BBS9: variants seen among roughly 807,000 people sequenced by gnomAD.
BBS9 encodes the protein Bardet-Biedl syndrome 9.
Under a neutral mutation model 117.7 loss-of-function variants are expected in BBS9, and 89 were observed. The ratio of observed to expected loss-of-function variants is 0.76; its 90% CI spans 0.64 to 0.90. The LOEUF (loss-of-function observed/expected upper bound fraction) is 0.90. Ranked by LOEUF, BBS9 falls within the 40% of genes least tolerant of loss-of-function variation. The probability of loss-of-function intolerance (pLI) is 0.00; values close to 1 mark genes in which losing one functional copy is unlikely to be tolerated. For missense variants in BBS9, 982 were observed against 1,042.2 expected, an observed-to-expected ratio of 0.94 and a Z score of 0.80; for synonymous variants, 379 against 370.9, an observed-to-expected ratio of 1.02 and a Z score of -0.25.
chr7:33,229,369 TG>T (rs1362392729), intron 5 of BBS9, among the ~76,000 whole-genome samples: 1 of 152,010 alleles, frequency 6.6e-6, no homozygotes, highest in East Asian at 1.9e-4. Context: ...TTGTGTATTC[TG>T]TCTCCCCATT....
chr7:33,261,469 C>G (rs1797974102), intron 6 of BBS9, among the ~76,000 whole-genome samples: 4 of 152,246 alleles, frequency 2.6e-5, no homozygotes, highest in Admixed American at 2.0e-4. Context: ...CCGGCATAGT[C>G]AAGAATGTTT....
At chr7:33,234,231 G>A (rs550304689) in intron 5 of BBS9, among the ~76,000 whole-genome samples, 3 of 152,144 alleles carry the variant, frequency 2.0e-5, no homozygotes, top group Admixed American at 1.3e-4. Flanking sequence ...GGAAAAAACA[G>A]TGTGTGTATA....
intron 5 of BBS9, among the ~76,000 whole-genome samples, chr7:33,255,245 T>A (rs1346262539): frequency 6.6e-6 from 1 of 152,146 alleles, no homozygotes; most frequent in Non-Finnish European, 1.5e-5. Flanking sequence ...TGAAGCTTTT[T>A]ACCATATGTT....
chr7:33,635,107 A>G lies in BBS9; in HGVS notation c.2522-70A>G, dbSNP rs542499889. Among the ~76,000 whole-genome samples the G allele has an allele frequency of 2.6e-5, 4 of 152,204 alleles. No individual in the cohort carries two copies. In the South Asian group the frequency reaches 8.3e-4, roughly 32 times the overall value. On this transcript the variant is annotated intron_variant, in intron 21 of 21. Transcript: ENST00000671952. ...CTGCGATCTGTGTGAGGGACATGGCATGGATGTGGTAGCTGTGGGTGTTGG... is the reference window on the plus strand; with the variant it reads ...CTGCGATCTGTGTGAGGGACATGGCGTGGATGTGGTAGCTGTGGGTGTTGG...
rs1341225978 is a variant in BBS9, at chr7:33,273,993, T to C, written c.1016+37T>C. On this transcript the variant is annotated intron_variant, in intron 9 of 22. Coordinates refer to ENST00000242067, the MANE Select transcript of BBS9 (RefSeq NM_198428.3). ...AATTTAACACAGTTTTTAAAGAGGA[T>C]GTTAGTCAAGAAATTTTCTAGAAGT... The C allele has an allele frequency of 5.6e-6, 9 of 1,607,804 alleles. No homozygotes were observed. In the South Asian group the frequency reaches 7.7e-5, roughly 14 times the overall value.
intron 19 of BBS9, among the ~76,000 whole-genome samples, chr7:33,417,632 G>C: frequency 6.6e-6 from 1 of 152,202 alleles, no homozygotes; most frequent in East Asian, 1.9e-4. Flanking sequence ...CTGTTTAGTG[G>C]AGTCTGTTAA....
chr7:33,548,453 C>T (rs899969234), intron 21 of BBS9, among the ~76,000 whole-genome samples: 8 of 150,704 alleles, frequency 5.3e-5, no homozygotes, highest in Non-Finnish European at 7.4e-5. Flanking sequence ...CCCACTAACT[C>T]GTCATCTAGC....
chr7:33,323,687 A>T (rs1812196762), intron 9 of BBS9, among the ~76,000 whole-genome samples: 2 of 152,006 alleles, frequency 1.3e-5, no homozygotes, highest in South Asian at 4.1e-4. Context: ...TTTTAAAAAA[A>T]TTCATTAAGC....
At chr7:33,186,380 C>T (rs1382293102) in intron 5 of BBS9, among the ~76,000 whole-genome samples, 1 of 152,152 alleles carries the variant, frequency 6.6e-6, no homozygotes, top group Non-Finnish European at 1.5e-5. Flanking sequence ...GATTTCTACC[C>T]AGCCTGTCTG....
chr7:33,563,834 T>C (rs954722756), intron 21 of BBS9, among the ~76,000 whole-genome samples: 7 of 152,296 alleles, frequency 4.6e-5, no homozygotes, highest in Admixed American at 2.0e-4. Flanking sequence ...TAAAACAAAG[T>C]CATGAGATGC....
chr7:33,576,802 G>A (rs970911572), intron 21 of BBS9, among the ~76,000 whole-genome samples: 2 of 152,122 alleles, frequency 1.3e-5, no homozygotes, highest in East Asian at 1.9e-4. Context: ...AACAAGAAAT[G>A]GAGAAAGAAT....
At chr7:33,325,355 A>G (rs1584329715) in intron 9 of BBS9, among the ~76,000 whole-genome samples, 2 of 152,184 alleles carry the variant, frequency 1.3e-5, no homozygotes, top group East Asian at 3.9e-4. Context: ...TCTTTGTTAA[A>G]TTTATCTGAT....
At chr7:33,159,672 G>A (rs2128123140) in intron 4 of BBS9, among the ~76,000 whole-genome samples, 1 of 152,292 alleles carries the variant, frequency 6.6e-6, no homozygotes, top group Non-Finnish European at 1.5e-5. Context: ...TTGGGTTTCT[G>A]GTCTCAGGAT....
At chr7:33,311,067 G>C (rs1410378452) in intron 9 of BBS9, among the ~76,000 whole-genome samples, 2 of 152,196 alleles carry the variant, frequency 1.3e-5, no homozygotes, top group Non-Finnish European at 2.9e-5. Flanking sequence ...TGAAGTGAGG[G>C]AAAGTTTTTC....
intron 20 of BBS9, among the ~76,000 whole-genome samples, chr7:33,523,217 C>T (rs1487960692): frequency 1.4e-5 from 2 of 147,444 alleles, no homozygotes; most frequent in Admixed American, 6.7e-5. Context: ...CTTAGGATTG[C>T]CTTGGTGATG....
intron 4 of BBS9, among the ~76,000 whole-genome samples, chr7:33,162,063 C>T (rs1360600808): frequency 1.3e-5 from 2 of 152,114 alleles, no homozygotes; most frequent in African/African-American, 4.8e-5. Flanking sequence ...TTCTCCCATT[C>T]TGTAGGTTGC....
chr7:33,475,780 T>C (rs947206081), intron 19 of BBS9, among the ~76,000 whole-genome samples: 1 of 152,104 alleles, frequency 6.6e-6, no homozygotes, highest in African/African-American at 2.4e-5. Flanking sequence ...AAAATCACTA[T>C]GATGTAAAGA....
rs1837547394 is a variant in BBS9, at chr7:33,449,929, G to T, written c.2116-55534G>T. On this transcript the variant is annotated intron_variant, in intron 19 of 22. Coordinates refer to ENST00000242067, the MANE Select transcript of BBS9 (RefSeq NM_198428.3). ...GTTTCCAAGTGTATAGTACAATATT[G>T]TCCACCACATATACATTGTTGTGCA... is the stretch of plus-strand genomic sequence containing the variant. Among the ~76,000 whole-genome samples the T allele has an allele frequency of 2.0e-5, 3 of 152,036 alleles. No individual in the cohort carries two copies. In the South Asian group the frequency reaches 6.2e-4, roughly 32 times the overall value.
In BBS9 at chr7:33,317,946, C is replaced by T. The variant is rs549747695; in HGVS notation, c.1017-18495C>T. ...GTCCATCTGTAATTCCAGCTACTTGCGAGGCTTAGGCATGAGAATTGCTTG... is the reference window on the plus strand; with the variant it reads ...GTCCATCTGTAATTCCAGCTACTTGTGAGGCTTAGGCATGAGAATTGCTTG... On this transcript the variant is annotated intron_variant, in intron 9 of 22. Coordinates refer to ENST00000242067, the MANE Select transcript of BBS9 (RefSeq NM_198428.3). 6.5e-3 allele frequency among the ~76,000 whole-genome samples: 983 copies of T among 152,064 alleles called. 4 individuals are homozygous for T. Among genetic ancestry groups the T allele is most frequent in the Non-Finnish European group, 9.4e-3 (639 of 67,962 alleles).
Sources: gnomAD v4.1 joint callset for allele counts (sites outside exome capture counted in the v4.1 genomes callset) on GRCh38, gnomAD v4.1.1 for gene constraint, MANE v1.5 for transcripts, NCBI Gene and HGNC (gene_info 2026-07-23, HGNC 2026-07-21) for gene names.